Variants in NBEA observed in about 807,000 individuals in gnomAD.
The protein encoded by NBEA is lysosomal-trafficking regulator 2.
Under a neutral mutation model 343.4 loss-of-function variants are expected in NBEA, and 44 were observed. The ratio of observed to expected loss-of-function variants is 0.13; its 90% CI spans 0.10 to 0.16. The LOEUF is 0.16. NBEA is among the 10% of genes least tolerant of loss of function. The probability of loss-of-function intolerance (pLI) is 1.00; values close to 1 mark genes in which losing one functional copy is unlikely to be tolerated. For missense variants in NBEA, 2,555 were observed against 3,631.3 expected (o/e 0.70, Z 7.62); for synonymous variants, 1,175 against 1,238.7 (o/e 0.95, Z 1.08).
At chr13:35,636,196 T>G (rs1039598490) in intron 49 of NBEA, among the ~76,000 whole-genome samples, 1 of 152,232 alleles carries the variant, frequency 6.6e-6, no homozygotes, top group African/African-American at 2.4e-5. Flanking sequence ...TATTGCATAC[T>G]TCAATTTGTT....
rs955073647 is a variant in NBEA, at chr13:35,290,417, T to C, written c.5805T>C (p.Ser1935=). Residue 1935 remains serine (S), a synonymous_variant, in exon 35 of 59, where the codon TCT becomes TCC. Transcript: ENST00000379939. ...EGLVCMKSST[S]VVELVMLLCS... ...TTGTTTGTATGAAGTCCAGCACATC[T>C]GTGGTTGAGCTTGTTATGCTGCTTT... is the stretch of plus-strand genomic sequence containing the variant. The C allele has an allele frequency of 2.5e-6, 4 of 1,607,410 alleles. No individual in the cohort carries two copies. Among genetic ancestry groups the C allele is most frequent in the Non-Finnish European group, 1.7e-6 (2 of 1,175,452 alleles).
intron 1 of NBEA, among the ~76,000 whole-genome samples, chr13:34,951,921 A>C (rs1036915973): frequency 6.6e-6 from 1 of 152,248 alleles, no homozygotes; most frequent in African/African-American, 2.4e-5. Flanking sequence ...TATTTTAGAA[A>C]CTAACATTAG....
At chr13:35,059,320 G>A (rs986993832) in intron 8 of NBEA, among the ~76,000 whole-genome samples, 3 of 151,906 alleles carry the variant, frequency 2.0e-5, no homozygotes, top group African/African-American at 7.2e-5. Flanking sequence ...ATTGCACTAA[G>A]TGAGGAAGTA....
intron 56 of NBEA, among the ~76,000 whole-genome samples, chr13:35,666,151 C>A (rs540714899): frequency 1.2e-5 from 1 of 85,846 alleles, no homozygotes; most frequent in Admixed American, 1.2e-4. Flanking sequence ...GGGGCACAAG[C>A]ATTTGCAATT....
intron 40 of NBEA, among the ~76,000 whole-genome samples, chr13:35,458,306 T>G (rs958617122): frequency 1.3e-5 from 2 of 152,206 alleles, no homozygotes; most frequent in African/African-American, 4.8e-5. Flanking sequence ...CATAAAGCCT[T>G]GCATTGTAGC....
chr13:35,078,235 A>C (rs905648328), intron 10 of NBEA, among the ~76,000 whole-genome samples: 2 of 152,196 alleles, frequency 1.3e-5, no homozygotes, highest in African/African-American at 4.8e-5. Context: ...CTTGTTTAAT[A>C]ATCAGCACAG....
chr13:35,267,676 G>T (rs567383510), intron 34 of NBEA, among the ~76,000 whole-genome samples: 31 of 151,208 alleles, frequency 2.1e-4, no homozygotes, highest in African/African-American at 7.3e-4. Context: ...ACTCAAAAAA[G>T]CACAAAAGAC....
At chr13:35,629,935 ATT>A (rs1315441244) in intron 49 of NBEA, among the ~76,000 whole-genome samples, 1 of 152,202 alleles carries the variant, frequency 6.6e-6, no homozygotes, top group Non-Finnish European at 1.5e-5. Flanking sequence ...TGTCATAGGC[ATT>A]TTTGCTTTTG....
intron 36 of NBEA, among the ~76,000 whole-genome samples, chr13:35,341,902 T>A (rs1487501768): frequency 6.6e-6 from 1 of 152,068 alleles, no homozygotes; most frequent in Non-Finnish European, 1.5e-5. Flanking sequence ...TGAAAACATA[T>A]GTTCACAAAA....
At chr13:35,259,117 T>G (rs1017519071) in intron 34 of NBEA, among the ~76,000 whole-genome samples, 4 of 152,226 alleles carry the variant, frequency 2.6e-5, no homozygotes, top group Non-Finnish European at 4.4e-5. Context: ...AAGCTTTTCC[T>G]TAATAAATGG....
Position 35,171,288 on chromosome 13 carries a change from T to C in NBEA, c.4259T>C (p.Ile1420Thr). Reference sequence around the variant, plus strand: ...TTTTTAAAGACGGAATTGGAAAATATTGAAGTGACACAAGGCATGTCAGCT... The same window carrying C: ...TTTTTAAAGACGGAATTGGAAAATACTGAAGTGACACAAGGCATGTCAGCT... ...PTGSKTELEN[I>T]EVTQGMSAET... is the part of the protein sequence containing the mutation. Residue 1420 changes from isoleucine (I) to threonine (T), a missense_variant, in exon 26 of 59, where the codon ATT becomes ACT. By Grantham distance (89) the Ile-to-Thr change is moderately conservative. Coordinates refer to ENST00000379939, the MANE Select transcript of NBEA (RefSeq NM_001385012.1). The C allele has an allele frequency of 1.2e-6, 2 of 1,610,006 alleles. No homozygotes were observed. The highest frequency in any genetic ancestry group is 2.2e-5 in the South Asian group (2 of 90,614).
At chr13:35,611,483 G>A (rs1338821924) in intron 48 of NBEA, among the ~76,000 whole-genome samples, 3 of 152,108 alleles carry the variant, frequency 2.0e-5, no homozygotes, top group Admixed American at 6.5e-5. Context: ...CTTGTTTTCA[G>A]TGTACAATTT....
chr13:35,547,387 G>T (rs1357070772), intron 41 of NBEA, among the ~76,000 whole-genome samples: 3 of 151,972 alleles, frequency 2.0e-5, no homozygotes, highest in Non-Finnish European at 4.4e-5. Context: ...TTTTCTTGCT[G>T]CAGAGGGTCC....
chr13:35,192,014 A>T (rs1394824647), intron 30 of NBEA, among the ~76,000 whole-genome samples: 1 of 152,068 alleles, frequency 6.6e-6, no homozygotes, highest in African/African-American at 2.4e-5. Context: ...AGAAAAAGAG[A>T]CATCTGGCAT....
chr13:34,948,310 A>G (rs902606028), intron 1 of NBEA, among the ~76,000 whole-genome samples: 1 of 152,150 alleles, frequency 6.6e-6, no homozygotes, highest in Non-Finnish European at 1.5e-5. Context: ...TTCAGGGACA[A>G]ACATTTAACC....
intron 28 of NBEA, among the ~76,000 whole-genome samples, chr13:35,181,568 C>T (rs553471616): frequency 4.7e-5 from 7 of 149,938 alleles, no homozygotes; most frequent in South Asian, 2.1e-4. Flanking sequence ...AGTTCTTTGT[C>T]GGATGAATAG....
At chr13:35,551,559 T>C (rs1052720875) in intron 43 of NBEA, among the ~76,000 whole-genome samples, 6 of 152,190 alleles carry the variant, frequency 3.9e-5, no homozygotes, top group African/African-American at 1.4e-4. Context: ...AAGATACTAA[T>C]GTAAGTAGAA....
chr13:35,456,384 A>G (rs897585949), intron 40 of NBEA, among the ~76,000 whole-genome samples: 5 of 152,092 alleles, frequency 3.3e-5, no homozygotes, highest in Non-Finnish European at 5.9e-5. Context: ...AAGTATGCCA[A>G]TCAATAAAGT....
chr13:35,318,969 G>A lies in NBEA; in HGVS notation c.5903+9377G>A, dbSNP rs1304461563. The stretch of plus-strand genomic sequence containing the variant: ...GATATCCTCTTTATCATTTTTTACT[G>A]TGTCTATTTGATTCTTCTCTGTTTT... On this transcript the variant is annotated intron_variant, in intron 36 of 58. Transcript: ENST00000379939. Among the ~76,000 whole-genome samples the A allele has an allele frequency of 3.3e-5, 5 of 152,170 alleles. No individual in the cohort carries two copies. In the East Asian group the frequency reaches 5.8e-4, roughly 18 times the overall value.
Sources: gnomAD v4.1 joint callset for allele counts (sites outside exome capture counted in the v4.1 genomes callset) on GRCh38, gnomAD v4.1.1 for gene constraint, MANE v1.5 for transcripts, NCBI Gene and HGNC (gene_info 2026-07-23, HGNC 2026-07-21) for gene names.